Variants in ADAMTS14 observed in about 807,000 individuals in gnomAD.
ADAMTS14 encodes the protein A disintegrin and metalloproteinase with thrombospondin motifs 14.
Under a neutral mutation model 128.6 loss-of-function variants are expected in ADAMTS14, and 100 were observed. The observed-to-expected ratio is 0.78, with a 90% CI of 0.66 to 0.92. The LOEUF is 0.92. Ranked by LOEUF, ADAMTS14 falls within the 40% of genes least tolerant of loss-of-function variation. ADAMTS14 has a pLI of 0.00. For missense variants in ADAMTS14, 1,562 were observed against 1,658.6 expected, an observed-to-expected ratio of 0.94 and a Z score of 1.01; for synonymous variants, 665 against 653.8, an observed-to-expected ratio of 1.02 and a Z score of -0.26.
chr10:70,708,648 CAG>C lies in ADAMTS14; in HGVS notation c.743_744del (p.Glu248AlafsTer45). On this transcript the variant is annotated frameshift_variant, in exon 4 of 22. Transcript: ENST00000373207. LOFTEE classifies it high-confidence loss of function. ...CTGGTGGGGGACCAGCTGGGCGACA[CAG>C]AGCGGAAGCGGCGGCATGCCAAGCC... is the stretch of plus-strand genomic sequence containing the variant. 6.2e-7 allele frequency: 1 copy of C among 1,613,336 alleles called. No individual in the cohort carries two copies. Among genetic ancestry groups the C allele is most frequent in the Non-Finnish European group, 8.5e-7 (1 of 1,179,488 alleles).
chr10:70,699,404 G>A (rs1008382283), intron 2 of ADAMTS14, among the ~76,000 whole-genome samples: 1 of 152,212 alleles, frequency 6.6e-6, no homozygotes, highest in Non-Finnish European at 1.5e-5. Flanking sequence ...ATGGAAAGTA[G>A]GGAAGTGTGT....
In ADAMTS14 at chr10:70,690,892, A is replaced by G. The variant is rs1448175016; in HGVS notation, c.523-11420A>G. On this transcript the variant is annotated intron_variant, in intron 2 of 21. Coordinates refer to ENST00000373207, the MANE Select transcript of ADAMTS14 (RefSeq NM_080722.4). ...CTTCCTGTCTCTTCATCCTGGAGCC[A>G]TGGCTGCTTCCAGGACTCAGGGCCA... is the stretch of plus-strand genomic sequence containing the variant. Among the ~76,000 whole-genome samples, 5 of 145,008 alleles carry G rather than the reference A, an allele frequency of 3.4e-5. 2 individuals are homozygous for G. The highest frequency in any genetic ancestry group is 1.9e-4 in the East Asian group (1 of 5,144).
At chr10:70,733,243 G>A (rs1841707557) in intron 7 of ADAMTS14, among the ~76,000 whole-genome samples, 1 of 152,234 alleles carries the variant, frequency 6.6e-6, no homozygotes, top group African/African-American at 2.4e-5. Context: ...GCCAGATGCA[G>A]CCATCTGGGA....
intron 2 of ADAMTS14, among the ~76,000 whole-genome samples, chr10:70,694,560 G>A (rs985925488): frequency 2.0e-5 from 3 of 152,130 alleles, no homozygotes; most frequent in African/African-American, 4.8e-5. Context: ...TGGCAGTGAC[G>A]AATCTACTTT....
chr10:70,733,735 C>A, intron 7 of ADAMTS14, 150 bp from the exon 8 acceptor site: 1 of 976,852 alleles, frequency 1.0e-6, no homozygotes, highest in Non-Finnish European at 1.5e-6. Context: ...ATTGGTCCTC[C>A]CCACTACGTG....
In ADAMTS14 at chr10:70,702,304, T is replaced by C; in HGVS notation, c.523-8T>C. 2 of 1,614,160 alleles carry C rather than the reference T, an allele frequency of 1.2e-6. No individual in the cohort carries two copies. The highest frequency in any genetic ancestry group is 1.7e-6 in the Non-Finnish European group (2 of 1,180,030). ...TCTCTTTCCCGCTGCTTGCCGTCCC[T>C]GGTTCAGGCGGGCCTCATCCGCACA... On this transcript the variant is annotated splice_polypyrimidine_tract_variant and splice_region_variant and intron_variant, in intron 2 of 21. Coordinates refer to ENST00000373207, the MANE Select transcript of ADAMTS14 (RefSeq NM_080722.4).
chr10:70,718,451 G>A (rs1045110556), intron 4 of ADAMTS14, among the ~76,000 whole-genome samples: 2 of 150,748 alleles, frequency 1.3e-5, no homozygotes, highest in African/African-American at 2.4e-5. Flanking sequence ...GCAGTGGTGC[G>A]ATCTCGGCTC....
In ADAMTS14 at chr10:70,674,638, C is replaced by T. The variant is rs148384658; in HGVS notation, c.165C>T (p.His55=). Residue 55 remains histidine, a synonymous_variant, in exon 2 of 22, where the codon CAC becomes CAT. Coordinates refer to ENST00000373207, the MANE Select transcript of ADAMTS14 (RefSeq NM_080722.4). ...STDFRGRFLS[H]VVSGPAAASA... ...ACTTTCGGGGACGCTTCCTCTCCCA[C>T]GTGGTGTCTGGCCCAGCAGCAGCCT... 5.6e-5 allele frequency: 90 copies of T among 1,613,642 alleles called. No individual in the cohort carries two copies. The highest frequency in any genetic ancestry group is 7.1e-5 in the Non-Finnish European group (84 of 1,180,050).
rs950582282 is a variant in ADAMTS14, at chr10:70,751,600, G to A, written c.2550G>A (p.Glu850=). 1 of 1,613,378 alleles carries A rather than the reference G, an allele frequency of 6.2e-7. No individual in the cohort carries two copies. The highest frequency in any genetic ancestry group is 8.5e-7 in the Non-Finnish European group (1 of 1,179,504). The part of the protein sequence containing the change: ...NVLLEEMDTY[E]WALKSWAPCS... ...TCCTGGAGGAGATGGACACCTATGAGTGGGCGCTCAAGAGCTGGGCCCCCT... is the reference window on the plus strand; with the variant it reads ...TCCTGGAGGAGATGGACACCTATGAATGGGCGCTCAAGAGCTGGGCCCCCT... The change falls in exon 17 of 22, where the codon GAG becomes GAA. Residue 850 remains glutamate, a synonymous_variant. Transcript: ENST00000373207.
chr10:70,697,020 C>T (rs1237185233), intron 2 of ADAMTS14, among the ~76,000 whole-genome samples: 1 of 152,158 alleles, frequency 6.6e-6, no homozygotes, highest in Non-Finnish European at 1.5e-5. Flanking sequence ...GAACCTGAGA[C>T]AGCACAGCTG....
Position 70,751,778 on chromosome 10 carries a change from C to T in ADAMTS14, c.2596+132C>T, listed in dbSNP as rs933240168. 1.0e-5 allele frequency: 13 copies of T among 1,271,464 alleles called. No individual in the cohort carries two copies. The Admixed American group carries it at 2.6e-4, about 25-fold the overall frequency. The allele number at this position is 1,271,464 out of a possible 1,614,324, so 78.8% of individuals were successfully genotyped here. A position where few individuals can be genotyped will look rare whatever the true frequency, so the allele number is the denominator to read the frequency against. ...GACTCAGTTTCTCCTTGAAGATCTCCAGTGTGTGGAAGCCCGTTTTGGGCA... is the reference window on the plus strand; with the variant it reads ...GACTCAGTTTCTCCTTGAAGATCTCTAGTGTGTGGAAGCCCGTTTTGGGCA... On this transcript the variant is annotated intron_variant, in intron 17 of 21. Coordinates refer to ENST00000373207, the MANE Select transcript of ADAMTS14 (RefSeq NM_080722.4).
In ADAMTS14 at chr10:70,684,152, G is replaced by A. The variant is rs147820962; in HGVS notation, c.522+9157G>A. On this transcript the variant is annotated intron_variant, in intron 2 of 21. Coordinates refer to ENST00000373207, the MANE Select transcript of ADAMTS14 (RefSeq NM_080722.4). ...GGGAGCAGGAGCAAGATAGAGAGCA[G>A]GGGAGGGGGGTGCTACACACTTTTA... Among the ~76,000 whole-genome samples, 405 of 152,030 alleles carry A rather than the reference G, an allele frequency of 2.7e-3. 2 individuals carry two copies. The highest frequency in any genetic ancestry group is 9.6e-3 in the African/African-American group (396 of 41,434).
chr10:70,729,817 C>T (rs931360555), intron 5 of ADAMTS14, among the ~76,000 whole-genome samples: 1 of 152,222 alleles, frequency 6.6e-6, no homozygotes, highest in Non-Finnish European at 1.5e-5. Context: ...AGGAAATGCT[C>T]AGAACAGCAC....
intron 2 of ADAMTS14, 137 bp from the exon 3 acceptor site, chr10:70,702,174 CT>C: frequency 8.0e-7 from 1 of 1,247,716 alleles, no homozygotes; most frequent in Non-Finnish European, 1.1e-6. Context: ...AATCCCAGGG[CT>C]CCTCAAGGTC....
chr10:70,729,453 T>C lies in ADAMTS14; in HGVS notation c.954+76T>C, dbSNP rs1400264653. The stretch of plus-strand genomic sequence containing the variant: ...CCAGAGTGTTGGACCAGCAATGGTG[T>C]GGGCTGCAGGGGTAAGCATCCAGGA... On this transcript the variant is annotated intron_variant, in intron 5 of 21. Coordinates refer to ENST00000373207, the MANE Select transcript of ADAMTS14 (RefSeq NM_080722.4). The C allele has an allele frequency of 4.0e-6, 5 of 1,237,104 alleles. No individual in the cohort carries two copies. The East Asian group carries it at 1.2e-4, about 29-fold the overall frequency. The allele number at this position is 1,237,104 out of a possible 1,614,324, so 76.6% of individuals were successfully genotyped here.
At chr10:70,700,816 T>C (rs1840471328) in intron 2 of ADAMTS14, among the ~76,000 whole-genome samples, 1 of 152,220 alleles carries the variant, frequency 6.6e-6, no homozygotes, top group African/African-American at 2.4e-5. Flanking sequence ...TTTTTCCATT[T>C]GTCCCTGCCC....
chr10:70,734,092 A>G, intron 8 of ADAMTS14, 64 bp downstream of exon 8: 7 of 1,568,452 alleles, frequency 4.5e-6, no homozygotes, highest in Admixed American at 1.7e-5. Flanking sequence ...CTGAGCAGAC[A>G]TCACACAGCT....
chr10:70,741,213 G>T (rs376737825), intron 12 of ADAMTS14, 51 bp downstream of exon 12: 5 of 1,585,986 alleles, frequency 3.2e-6, no homozygotes, highest in Non-Finnish European at 4.3e-6. Flanking sequence ...CATCTGCGGG[G>T]GCTGTGTGTG....
rs144469426 is a variant in ADAMTS14 at position 70,730,123 on chromosome 10, G to A, written c.976G>A (p.Gly326Arg). Residue 326 changes from glycine (G) to arginine (R), a missense_variant, in exon 6 of 22, where the codon GGG (glycine) becomes AGG (arginine). Coordinates refer to ENST00000373207, the MANE Select transcript of ADAMTS14 (RefSeq NM_080722.4). ...GCAGTCCCTGAGCCTGATCGAGCGCGGGAACCCCTCACGCAGCCTGGAGCA... is the reference window on the plus strand; with the variant it reads ...GCAGTCCCTGAGCCTGATCGAGCGCAGGAACCCCTCACGCAGCCTGGAGCA... ...YRQSLSLIER[G>R]NPSRSLEQVC... The A allele has an allele frequency of 1.0e-4, 166 of 1,608,466 alleles. No homozygotes were observed. In the African/African-American group the frequency reaches 1.6e-3, roughly 16 times the overall value.
Sources: gnomAD v4.1 joint callset for allele counts (sites outside exome capture counted in the v4.1 genomes callset) on GRCh38, gnomAD v4.1.1 for gene constraint, MANE v1.5 for transcripts, NCBI Gene and HGNC (gene_info 2026-07-23, HGNC 2026-07-21) for gene names.